The following TBL3 variants were observed in gnomAD, a reference collection of about 807,000 sequenced individuals.
TBL3 encodes the protein transducin beta-like protein 3.
In TBL3, 71 loss-of-function variants were observed where a neutral mutation model predicts 102.7. That is an observed-to-expected ratio of 0.69 (90% confidence interval 0.57 to 0.84). The LOEUF (loss-of-function observed/expected upper bound fraction) is 0.84. Ranked by LOEUF, TBL3 falls within the 40% of genes least tolerant of loss-of-function variation. The pLI is 0.00. For synonymous variants in TBL3, 578 were observed against 477.7 expected (o/e 1.21, Z -2.74); for missense variants, 1,188 against 1,098.5 (o/e 1.08, Z -1.15).
rs2083459737 is a variant in TBL3 at position 1,979,777 on chromosome 16, GT to G, written c.*1094del. The G allele has an allele frequency of 1.3e-6, 2 of 1,516,938 alleles. No homozygotes were observed. The highest frequency in any genetic ancestry group is 2.4e-5 in the South Asian group (2 of 82,526). 94.0% of individuals were successfully genotyped at this position (1,516,938 alleles called of 1,614,324 possible). A position where few individuals can be genotyped will look rare whatever the true frequency, so the allele number is the denominator to read the frequency against. ...CCGCAGTGGTGGCGTGAGGGGTGGG[GT>G]TAGGCGCATACCGCTGCTCCCTAGG... is the stretch of plus-strand genomic sequence containing the variant. On this transcript the variant is annotated 3_prime_UTR_variant, in exon 22 of 22. Transcript: ENST00000568546.
intron 1 of TBL3, among the ~76,000 whole-genome samples, chr16:1,972,696 G>A (rs1158421788): frequency 2.0e-5 from 3 of 152,244 alleles, no homozygotes; most frequent in African/African-American, 7.2e-5. Context: ...CCGAACAGCA[G>A]TGCTGGTGCC....
At chr16:1,973,445 AAAT>A (rs2083375105) in intron 1 of TBL3, among the ~76,000 whole-genome samples, 1 of 152,032 alleles carries the variant, frequency 6.6e-6, no homozygotes, top group Admixed American at 6.5e-5. Context: ...CCTTCTCAAA[AAAT>A]AAATAAGTAA....
chr16:1,975,992 G>T (rs1303398363), intron 11 of TBL3, 43 bp downstream of exon 11: 39 of 1,614,096 alleles, frequency 2.4e-5, no homozygotes, highest in Non-Finnish European at 3.2e-5. Context: ...AGCCGCCTCG[G>T]TCCCTTGCTT....
intron 11 of TBL3, 37 bp downstream of exon 11, chr16:1,975,986 G>A (rs370029089): frequency 2.8e-5 from 45 of 1,613,868 alleles, no homozygotes; most frequent in Middle Eastern, 1.6e-4. Flanking sequence ...CCTGGGAGCC[G>A]CCTCGGTCCC....
In TBL3 at chr16:1,979,279, C is replaced by T. The variant is rs201239965; in HGVS notation, c.*594C>T. The T allele has an allele frequency of 1.9e-6, 3 of 1,552,566 alleles. No homozygotes were observed. The highest frequency in any genetic ancestry group is 8.6e-7 in the Non-Finnish European group (1 of 1,157,044). ...TCGTCTCCTCCACGGAACCCCGTCC[C>T]GCTCAGGAGAGCGCCCAGCCCTTCC... On this transcript the variant is annotated 3_prime_UTR_variant, in exon 22 of 22. Transcript: ENST00000568546.
chr16:1,976,203 G>T lies in TBL3; in HGVS notation c.1189-8G>T, dbSNP rs756514035. The T allele has an allele frequency of 7.4e-6, 12 of 1,614,048 alleles. No homozygotes were observed. Among genetic ancestry groups the T allele is most frequent in the Non-Finnish European group, 1.0e-5 (12 of 1,180,038 alleles). Reference sequence around the variant, plus strand: ...GACCAGCCTCTCTCCTCAACTCCCTGTCCCCAGGATCAGAGCGTCCGTATC... The same window carrying T: ...GACCAGCCTCTCTCCTCAACTCCCTTTCCCCAGGATCAGAGCGTCCGTATC... On this transcript the variant is annotated splice_region_variant and splice_polypyrimidine_tract_variant and intron_variant, in intron 12 of 21. Coordinates refer to ENST00000568546, the MANE Select transcript of TBL3 (RefSeq NM_006453.3).
In TBL3 at chr16:1,981,370, C is replaced by T. The variant is rs1253299402; in HGVS notation, c.*2685C>T. ...GCTTTCTTGCTGTCCCCCAAGCCCA[C>T]GATCTGGGGGCAGGAGCACAGGGAT... On this transcript the variant is annotated 3_prime_UTR_variant, in exon 22 of 22. Coordinates refer to ENST00000568546, the MANE Select transcript of TBL3 (RefSeq NM_006453.3). 8.7e-6 allele frequency: 12 copies of T among 1,371,484 alleles called. No individual in the cohort carries two copies. Among genetic ancestry groups the T allele is most frequent in the African/African-American group, 2.9e-5 (2 of 68,508 alleles). The allele number at this position is 1,371,484 out of a possible 1,614,324, so 85.0% of individuals were successfully genotyped here.
Position 1,976,382 on chromosome 16 carries a change from C to T in TBL3, c.1292+68C>T, listed in dbSNP as rs541019465. 6.5e-5 allele frequency: 90 copies of T among 1,384,668 alleles called. 1 individual carries two copies. Among genetic ancestry groups the T allele is most frequent in the South Asian group, 6.0e-4 (50 of 82,760 alleles). 85.8% of individuals were successfully genotyped at this position (1,384,668 alleles called of 1,614,324 possible). A position where few individuals can be genotyped will look rare whatever the true frequency, so the allele number is the denominator to read the frequency against. ...GGCCCAGGCCTGCCAGCAGGGCTGC[C>T]GCTCAGGGAGCTGGGGAGGCAGTGG... On this transcript the variant is annotated intron_variant, in intron 13 of 21. Transcript: ENST00000568546.
chr16:1,980,395 C>T lies in TBL3; in HGVS notation c.*1710C>T. 6.2e-7 allele frequency: 1 copy of T among 1,602,862 alleles called. No individual in the cohort carries two copies. Among genetic ancestry groups the T allele is most frequent in the Non-Finnish European group, 8.5e-7 (1 of 1,179,750 alleles). On this transcript the variant is annotated 3_prime_UTR_variant, in exon 22 of 22. Coordinates refer to ENST00000568546, the MANE Select transcript of TBL3 (RefSeq NM_006453.3). ...CCGGGTGGCAGCGCGGGCTCCAGGT[C>T]CAGGGGTTGCGGTGCGAAGAAGCCA...
At position 1,982,893 on chromosome 16, in the gene TBL3, G is replaced by A. The variant is rs1036718780; in HGVS notation, c.*4208G>A. The A allele has an allele frequency of 2.0e-5, 3 of 150,488 alleles. No homozygotes were observed. The East Asian group carries it at 5.9e-4, about 29-fold the overall frequency. 9.3% of individuals were successfully genotyped at this position (150,488 alleles called of 1,614,324 possible). ...AGATCGCGCCACTGCACTCCACCCT[G>A]GGTAACGGAACAAGACCCTGTCTCA... On this transcript the variant is annotated 3_prime_UTR_variant, in exon 22 of 22. Transcript: ENST00000568546.
Position 1,980,632 on chromosome 16 carries a change from C to T in TBL3, c.*1947C>T. The T allele has an allele frequency of 1.3e-6, 2 of 1,599,050 alleles. No homozygotes were observed. Among genetic ancestry groups the T allele is most frequent in the Non-Finnish European group, 1.7e-6 (2 of 1,172,390 alleles). The stretch of plus-strand genomic sequence containing the variant: ...CCCAGGCAAGCCACCGCCTTCCCCG[C>T]TCCCGTACCCAGGCTGGCCTGACCG... On this transcript the variant is annotated 3_prime_UTR_variant, in exon 22 of 22. Transcript: ENST00000568546.
chr16:1,979,712 G>T lies in TBL3; in HGVS notation c.*1027G>T. On this transcript the variant is annotated 3_prime_UTR_variant, in exon 22 of 22. Transcript: ENST00000568546. ...CAAGCACGGGCTCCTGGCCCGCCCT[G>T]CCCGCGGTGCTTCTGGCCCAGTCTT... 1 of 1,286,484 alleles carries T rather than the reference G, an allele frequency of 7.8e-7. No homozygotes were observed. The highest frequency in any genetic ancestry group is 1.1e-6 in the Non-Finnish European group (1 of 946,178). The allele number at this position is 1,286,484 out of a possible 1,614,324, so 79.7% of individuals were successfully genotyped here.
rs748724489 is a variant in TBL3 at position 1,975,923 on chromosome 16, C to A, written c.1103C>A (p.Ala368Asp). The change falls in exon 11 of 22, where the codon GCC (alanine) becomes GAC (aspartate). Residue 368 changes from alanine to aspartate, a missense_variant. Coordinates refer to ENST00000568546, the MANE Select transcript of TBL3 (RefSeq NM_006453.3). ...AAAGTGTTTGAGCTGCAGACGTCAG[C>A]CTGCCAGATCCTCCACGGCCACACG... The part of the protein sequence containing the change: ...CLKVFELQTS[A>D]CQILHGHTDI... The A allele has an allele frequency of 4.3e-6, 7 of 1,614,036 alleles. No homozygotes were observed. The South Asian group carries it at 7.7e-5, about 18-fold the overall frequency.
Position 1,979,684 on chromosome 16 carries a change from G to A in TBL3, c.*999G>A, listed in dbSNP as rs2083457744. ...GTTCGGGGCTTCCTCTAGGTGCGGA[G>A]ACCAAGCACGGGCTCCTGGCCCGCC... On this transcript the variant is annotated 3_prime_UTR_variant, in exon 22 of 22. Coordinates refer to ENST00000568546, the MANE Select transcript of TBL3 (RefSeq NM_006453.3). 1 of 1,186,512 alleles carries A rather than the reference G, an allele frequency of 8.4e-7. No individual in the cohort carries two copies. Among genetic ancestry groups the A allele is most frequent in the Admixed American group, 2.5e-5 (1 of 40,656 alleles). The allele number at this position is 1,186,512 out of a possible 1,614,324, so 73.5% of individuals were successfully genotyped here. A position where few individuals can be genotyped will look rare whatever the true frequency, so the allele number is the denominator to read the frequency against.
intron 1 of TBL3, among the ~76,000 whole-genome samples, chr16:1,973,371 A>C (rs1860236): frequency 0.23 from 34,221 of 152,052 alleles, 4,640 homozygotes; most frequent in African/African-American, 0.38. Flanking sequence ...TGGAGCTTGC[A>C]GTGAGCTGAG....
intron 1 of TBL3, 120 bp downstream of exon 1, chr16:1,972,325 C>A (rs1366136639): frequency 1.3e-5 from 15 of 1,117,468 alleles, no homozygotes; most frequent in Non-Finnish European, 1.7e-5. Context: ...GTGTGTGCGC[C>A]GGCCCGCGGG....
Position 1,980,098 on chromosome 16 carries a change from C to G in TBL3, c.*1413C>G, listed in dbSNP as rs774688908. 11 of 1,607,790 alleles carry G rather than the reference C, an allele frequency of 6.8e-6. No homozygotes were observed. The highest frequency in any genetic ancestry group is 3.4e-5 in the Admixed American group (2 of 59,330). On this transcript the variant is annotated 3_prime_UTR_variant, in exon 22 of 22. Coordinates refer to ENST00000568546, the MANE Select transcript of TBL3 (RefSeq NM_006453.3). ...ACAGAAGGGCTGCAGGCAGCGCAGG[C>G]TCTGAGCCTCCAGACTGTGGATGGA...
In TBL3 at chr16:1,976,382, C is replaced by A. The variant is rs541019465; in HGVS notation, c.1292+68C>A. On this transcript the variant is annotated intron_variant, in intron 13 of 21. Transcript: ENST00000568546. ...GGCCCAGGCCTGCCAGCAGGGCTGC[C>A]GCTCAGGGAGCTGGGGAGGCAGTGG... is the stretch of plus-strand genomic sequence containing the variant. 5.8e-6 allele frequency: 8 copies of A among 1,384,786 alleles called. No homozygotes were observed. The Admixed American group carries it at 1.1e-4, about 20-fold the overall frequency. The allele number at this position is 1,384,786 out of a possible 1,614,324, so 85.8% of individuals were successfully genotyped here.
Position 1,974,653 on chromosome 16 carries a change from A to G in TBL3, c.353A>G (p.Asp118Gly). The part of the protein sequence containing the change: ...HTAPVATMAF[D>G]PTSTLLATGG... ...GCCCCCGTGGCCACCATGGCCTTCGACCCCACCTCCACTCTGCTAGCCACA... is the reference window on the plus strand; with the variant it reads ...GCCCCCGTGGCCACCATGGCCTTCGGCCCCACCTCCACTCTGCTAGCCACA... Residue 118 changes from aspartate to glycine, a missense_variant, in exon 5 of 22, where the codon GAC becomes GGC. Asp to Gly is a moderately conservative substitution (Grantham distance 94, BLOSUM62 -1). Transcript: ENST00000568546. 6.2e-7 allele frequency: 1 copy of G among 1,608,690 alleles called. No homozygotes were observed. Among genetic ancestry groups the G allele is most frequent in the South Asian group, 1.1e-5 (1 of 90,888 alleles).
Sources: allele counts gnomAD v4.1 joint callset (sites outside exome capture counted in the v4.1 genomes callset), GRCh38; gene constraint gnomAD v4.1.1; transcripts MANE v1.5; gene names NCBI Gene and HGNC (gene_info 2026-07-23, HGNC 2026-07-21).